Variants in THSD7B observed in about 807,000 individuals in gnomAD.
The protein encoded by THSD7B is thrombospondin type-1 domain-containing protein 7B.
In THSD7B, 138 loss-of-function variants were observed where a neutral mutation model predicts 213.6. The ratio of observed to expected loss-of-function variants is 0.65; its 90% CI spans 0.56 to 0.74. The LOEUF is 0.74. Ranked by LOEUF, THSD7B falls within the 30% of genes least tolerant of loss-of-function variation. THSD7B has a pLI of 0.00. For missense variants in THSD7B, 1,931 were observed against 1,991.5 expected (o/e 0.97, Z 0.58); for synonymous variants, 742 against 687.0 (o/e 1.08, Z -1.25).
chr2:137,127,210 G>T (rs971604924), intron 5 of THSD7B, among the ~76,000 whole-genome samples: 1 of 152,176 alleles, frequency 6.6e-6, no homozygotes, highest in Admixed American at 6.6e-5. Context: ...TGTAAAAAAT[G>T]CAATAGCTGA....
intron 10 of THSD7B, among the ~76,000 whole-genome samples, chr2:137,257,211 A>C: frequency 6.6e-6 from 1 of 152,216 alleles, no homozygotes; most frequent in African/African-American, 2.4e-5. Context: ...AAACCACAGC[A>C]GTAGGTAAGC....
intron 7 of THSD7B, among the ~76,000 whole-genome samples, chr2:137,177,296 A>G (rs1680376549): frequency 6.6e-6 from 1 of 152,164 alleles, no homozygotes; most frequent in South Asian, 2.1e-4. Context: ...CTATTGAGTC[A>G]TGTGTGACTC....
chr2:137,164,075 G>A (rs1322726268), intron 6 of THSD7B, among the ~76,000 whole-genome samples: 1 of 152,108 alleles, frequency 6.6e-6, no homozygotes, highest in African/African-American at 2.4e-5. Context: ...TCATTGAGCA[G>A]ATGCAGGAGA....
chr2:137,191,302 T>C (rs938738853), intron 7 of THSD7B, among the ~76,000 whole-genome samples: 2 of 152,222 alleles, frequency 1.3e-5, no homozygotes, highest in Non-Finnish European at 2.9e-5. Context: ...CCAGATGTCA[T>C]TGTGTTTCTT....
chr2:137,525,017 T>C (rs1285743126), intron 15 of THSD7B, among the ~76,000 whole-genome samples: 1 of 152,224 alleles, frequency 6.6e-6, no homozygotes, highest in Non-Finnish European at 1.5e-5. Flanking sequence ...GAGGTCGTTG[T>C]TGGTGTGCCT....
In THSD7B at chr2:137,677,586, A is replaced by AAAAC. The variant is rs765756200; in HGVS notation, c.*984_*987dup. On this transcript the variant is annotated 3_prime_UTR_variant, in exon 28 of 28. Transcript: ENST00000409968. ...CTTTTATAAGGTTTCAATAATATCT[A>AAAAC]AAACAACACATTAAAAAGCTGAGAC... The AAAAC allele has an allele frequency of 2.0e-4, 30 of 152,664 alleles. No homozygotes were observed. The highest frequency in any genetic ancestry group is 1.2e-3 in the Admixed American group (18 of 15,282). 9.5% of individuals were successfully genotyped at this position (152,664 alleles called of 1,614,324 possible).
chr2:137,358,514 T>G (rs1490356169), intron 12 of THSD7B, among the ~76,000 whole-genome samples: 1 of 152,178 alleles, frequency 6.6e-6, no homozygotes, highest in East Asian at 1.9e-4. Flanking sequence ...CCAAATAAAT[T>G]TAACAAAATA....
chr2:136,900,114 A>G (rs1044188368), intron 2 of THSD7B, among the ~76,000 whole-genome samples: 1 of 152,220 alleles, frequency 6.6e-6, no homozygotes, highest in Non-Finnish European at 1.5e-5. Context: ...ATGTTCAAAG[A>G]GAATCCGATC....
Position 137,655,411 on chromosome 2 carries a change from T to G in THSD7B, c.3946-90T>G, listed in dbSNP as rs190968655. 1.0e-5 allele frequency: 14 copies of G among 1,388,318 alleles called. No individual in the cohort carries two copies. In the East Asian group the frequency reaches 1.3e-4, roughly 13 times the overall value. 86.0% of individuals were successfully genotyped at this position (1,388,318 alleles called of 1,614,324 possible). On this transcript the variant is annotated intron_variant, in intron 21 of 27. Transcript: ENST00000409968. Reference sequence around the variant, plus strand: ...AGAGGAAGCTACGAAAATATGCAACTATGGTCTTCTTAGGCAAGAGGTGGC... The same window carrying G: ...AGAGGAAGCTACGAAAATATGCAACGATGGTCTTCTTAGGCAAGAGGTGGC...
rs542254809 is a variant in THSD7B at position 137,397,065 on chromosome 2, C to T, written c.2501-8548C>T. Among the ~76,000 whole-genome samples the T allele has an allele frequency of 2.6e-3, 378 of 146,736 alleles. 3 individuals are homozygous for T. Among genetic ancestry groups the T allele is most frequent in the African/African-American group, 8.8e-3 (351 of 39,746 alleles). ...TTTTGAGCCTATGTGTGTCTCTGCA[C>T]GTGAGATGGGTTTCCTGAATAGAGC... On this transcript the variant is annotated intron_variant, in intron 12 of 27. Coordinates refer to ENST00000409968, the MANE Select transcript of THSD7B (RefSeq NM_001316349.2).
Position 137,642,594 on chromosome 2 carries a change from C to G in THSD7B, c.3906C>G (p.Tyr1302Ter), listed in dbSNP as rs758708142. The change falls in exon 21 of 28, where the codon TAC becomes TAG. Residue 1302 changes from tyrosine (Y) to a stop codon, truncating the protein, a stop_gained. Coordinates refer to ENST00000409968, the MANE Select transcript of THSD7B (RefSeq NM_001316349.2). LOFTEE classifies it high-confidence loss of function. ...QEKTCPVTPC[Y>*]SWVLGNWSAC... is the part of the protein sequence containing the mutation. ...AAACCTGCCCAGTGACCCCCTGCTACAGCTGGGTCCTTGGCAACTGGTCTG... is the reference window on the plus strand; with the variant it reads ...AAACCTGCCCAGTGACCCCCTGCTAGAGCTGGGTCCTTGGCAACTGGTCTG... 6.2e-7 allele frequency: 1 copy of G among 1,613,920 alleles called. No individual in the cohort carries two copies. Among genetic ancestry groups the G allele is most frequent in the Non-Finnish European group, 8.5e-7 (1 of 1,179,866 alleles).
intron 2 of THSD7B, among the ~76,000 whole-genome samples, chr2:136,999,791 G>A (rs1685967631): frequency 6.6e-6 from 1 of 152,088 alleles, no homozygotes; most frequent in Non-Finnish European, 1.5e-5. Context: ...AGTAATTTTA[G>A]TATAGTAGAA....
chr2:137,132,090 C>T (rs537097302), intron 5 of THSD7B, among the ~76,000 whole-genome samples: 2 of 149,232 alleles, frequency 1.3e-5, no homozygotes. Flanking sequence ...TGAAGAGGTC[C>T]TTCACATCCC....
intron 1 of THSD7B, among the ~76,000 whole-genome samples, chr2:136,844,314 G>T (rs909200053): frequency 8.5e-5 from 13 of 152,082 alleles, no homozygotes; most frequent in African/African-American, 3.1e-4. Flanking sequence ...AACAAGGGAG[G>T]GAGAAGTGTT....
chr2:136,939,810 C>T (rs945836472), intron 2 of THSD7B, among the ~76,000 whole-genome samples: 6 of 152,154 alleles, frequency 3.9e-5, no homozygotes, highest in Admixed American at 1.3e-4. Context: ...CTGTCTATCA[C>T]TGGAAATCTC....
At chr2:137,232,093 A>T (rs1191300049) in intron 8 of THSD7B, among the ~76,000 whole-genome samples, 1 of 152,202 alleles carries the variant, frequency 6.6e-6, no homozygotes, top group Non-Finnish European at 1.5e-5. Context: ...AAAATCAAGA[A>T]TAACAAAACC....
intron 5 of THSD7B, among the ~76,000 whole-genome samples, chr2:137,157,308 A>G (rs1375735313): frequency 1.3e-5 from 2 of 152,220 alleles, no homozygotes; most frequent in African/African-American, 4.8e-5. Flanking sequence ...TCCACTGTGC[A>G]TATCCCACTT....
chr2:137,585,274 T>C (rs1681695326), intron 17 of THSD7B, among the ~76,000 whole-genome samples: 1 of 152,142 alleles, frequency 6.6e-6, no homozygotes, highest in Admixed American at 6.5e-5. Context: ...ATTTTTTTGA[T>C]CTTTTCAAAA....
chr2:137,438,185 A>G (rs1483265967), intron 14 of THSD7B, among the ~76,000 whole-genome samples: 2 of 152,134 alleles, frequency 1.3e-5, no homozygotes, highest in South Asian at 2.1e-4. Context: ...GAGAGGTTCA[A>G]TGACAGGCAC....
Sources: allele counts gnomAD v4.1 joint callset (sites outside exome capture counted in the v4.1 genomes callset), GRCh38; gene constraint gnomAD v4.1.1; transcripts MANE v1.5; gene names NCBI Gene and HGNC (gene_info 2026-07-23, HGNC 2026-07-21).